The following DNAH11 variants were observed in gnomAD, a reference collection of about 807,000 sequenced individuals.
The protein encoded by DNAH11 is dynein axonemal heavy chain 11, also known as axonemal beta dynein heavy chain 11.
A neutral mutation model predicts 526.0 loss-of-function variants in DNAH11; 442 were observed. That is an observed-to-expected ratio of 0.84 (90% CI 0.78 to 0.91). The LOEUF (loss-of-function observed/expected upper bound fraction) is 0.91. DNAH11 is among the 40% of genes least tolerant of loss of function. The pLI is 0.00. For synonymous variants in DNAH11, 2,461 were observed against 1,935.9 expected (o/e 1.27, Z -7.12); for missense variants, 6,989 against 5,448.7 (o/e 1.28, Z -8.90).
At chr7:21,715,113 T>G in intron 42 of DNAH11, among the ~76,000 whole-genome samples, 1 of 152,254 alleles carries the variant, frequency 6.6e-6, no homozygotes, top group South Asian at 2.1e-4. Flanking sequence ...CATGTACTGC[T>G]AACGTCTGCC....
At chr7:21,789,688 C>A (rs928234802) in intron 61 of DNAH11, among the ~76,000 whole-genome samples, 3 of 152,128 alleles carry the variant, frequency 2.0e-5, no homozygotes, top group Non-Finnish European at 4.4e-5. Flanking sequence ...GCATCCCGTA[C>A]AAGGTAGTTA....
chr7:21,612,749 C>A (rs1323306759), intron 20 of DNAH11, among the ~76,000 whole-genome samples: 2 of 152,050 alleles, frequency 1.3e-5, no homozygotes, highest in African/African-American at 4.8e-5. Context: ...AAATATAGAT[C>A]AGTCTTTCTC....
At chr7:21,652,850 A>G (rs1299250236) in intron 28 of DNAH11, among the ~76,000 whole-genome samples, 2 of 151,634 alleles carry the variant, frequency 1.3e-5, no homozygotes, top group East Asian at 3.9e-4. Context: ...GGGGCCTACG[A>G]AGTATTAGTT....
In DNAH11 at chr7:21,901,298, G is replaced by C. The variant is rs1380504137; in HGVS notation, c.*44G>C. On this transcript the variant is annotated 3_prime_UTR_variant, in exon 82 of 82. Transcript: ENST00000409508. ...CTAGCCTCTGCTGGAGTGCAGTGAG[G>C]ATTTTCTAGCATGTTGCTGCACTGT... is the stretch of plus-strand genomic sequence containing the variant. The C allele has an allele frequency of 6.4e-7, 1 of 1,552,946 alleles. No homozygotes were observed. Among genetic ancestry groups the C allele is most frequent in the Admixed American group, 1.9e-5 (1 of 51,564 alleles).
Position 21,543,324 on chromosome 7 carries a change from C to T in DNAH11, c.79C>T (p.Leu27=). 6.4e-7 allele frequency: 1 copy of T among 1,550,684 alleles called. No homozygotes were observed. Among genetic ancestry groups the T allele is most frequent in the South Asian group, 1.2e-5 (1 of 84,020 alleles). Residue 27 remains leucine, a synonymous_variant, in exon 1 of 82, where the codon CTG becomes TTG. Coordinates refer to ENST00000409508, the MANE Select transcript of DNAH11 (RefSeq NM_001277115.2). ...CCTTCGCCTAACCTCGGGGGCCGGC[C>T]TGGAGGCAGTGGGCGCTGTGGAGCT... ...PTLRLTSGAG[L]EAVGAVELEE...
intron 37 of DNAH11, among the ~76,000 whole-genome samples, chr7:21,703,189 G>A (rs1375827284): frequency 2.6e-5 from 4 of 152,114 alleles, no homozygotes; most frequent in Non-Finnish European, 5.9e-5. Flanking sequence ...CCATTTCATG[G>A]GACCTAAGAT....
intron 20 of DNAH11, among the ~76,000 whole-genome samples, chr7:21,614,495 T>C (rs17689872): frequency 0.043 from 6,496 of 152,254 alleles, 160 homozygotes; most frequent in South Asian, 0.062. Flanking sequence ...AATTAAGACT[T>C]GGTCATCACA....
chr7:21,585,992 T>C (rs1434206346), intron 9 of DNAH11, among the ~76,000 whole-genome samples: 2 of 152,160 alleles, frequency 1.3e-5, no homozygotes, highest in Non-Finnish European at 1.5e-5. Context: ...AAGCAAGAGG[T>C]TGAAATGACC....
rs549578106 is a variant in DNAH11 at position 21,573,784 on chromosome 7, C to T, written c.1593+1811C>T. Among the ~76,000 whole-genome samples the T allele has an allele frequency of 2.6e-5, 4 of 152,298 alleles. No homozygotes were observed. In the South Asian group the frequency reaches 8.3e-4, roughly 32 times the overall value. ...CCCCATGTTCCTGCTCCTGCCCCAT[C>T]CCCTCTGACTACAAACTAGTGCTTA... On this transcript the variant is annotated intron_variant, in intron 8 of 81. Transcript: ENST00000409508.
intron 20 of DNAH11, among the ~76,000 whole-genome samples, chr7:21,612,541 T>TGAG (rs984937763): frequency 9.0e-6 from 1 of 110,836 alleles, no homozygotes; most frequent in African/African-American, 4.0e-5. Flanking sequence ...GGCGACAGAG[T>TGAG]GAGGCTCCGT....
intron 57 of DNAH11, 135 bp downstream of exon 57, chr7:21,779,239 A>G: frequency 9.3e-7 from 1 of 1,076,856 alleles, no homozygotes; most frequent in Non-Finnish European, 1.3e-6. Flanking sequence ...CACATGTAAC[A>G]GCATTTCACA....
At position 21,745,490 on chromosome 7, in the gene DNAH11, T is replaced by G. The variant is rs139999098; in HGVS notation, c.8510+427T>G. On this transcript the variant is annotated intron_variant, in intron 51 of 81. Coordinates refer to ENST00000409508, the MANE Select transcript of DNAH11 (RefSeq NM_001277115.2). ...CTTGGCAGAAAATTAGAAAAAGGCA[T>G]CTGTCCTTGGATAGAGCATGGCTGA... Among the ~76,000 whole-genome samples, 1,069 of 152,306 alleles carry G rather than the reference T, an allele frequency of 7.0e-3. 12 individuals are homozygous for G. Among genetic ancestry groups the G allele is most frequent in the African/African-American group, 0.024 (1,013 of 41,556 alleles).
chr7:21,681,265 A>C (rs1366036928), intron 30 of DNAH11, among the ~76,000 whole-genome samples: 2 of 152,072 alleles, frequency 1.3e-5, no homozygotes, highest in African/African-American at 2.4e-5. Flanking sequence ...TGTCCCTACG[A>C]AAAATATAAG....
chr7:21,818,247 C>G lies in DNAH11; in HGVS notation c.10599C>G (p.Ala3533=), dbSNP rs1789894042. The change falls in exon 65 of 82, where the codon GCC becomes GCG. Residue 3533 remains alanine, a synonymous_variant. Coordinates refer to ENST00000409508, the MANE Select transcript of DNAH11 (RefSeq NM_001277115.2). ...TGAATGCCATTGAAACTGCTTTGGCCTTTGGTGATGTCATCTTAATTGAAA... is the reference window on the plus strand; with the variant it reads ...TGAATGCCATTGAAACTGCTTTGGCGTTTGGTGATGTCATCTTAATTGAAA... ...GFLNAIETAL[A]FGDVILIENL... 1.9e-6 allele frequency: 3 copies of G among 1,611,828 alleles called. No individual in the cohort carries two copies. Among genetic ancestry groups the G allele is most frequent in the Admixed American group, 3.3e-5 (2 of 59,738 alleles).
intron 45 of DNAH11, among the ~76,000 whole-genome samples, chr7:21,727,615 A>G (rs561077862): frequency 9.9e-5 from 15 of 152,010 alleles, no homozygotes; most frequent in Admixed American, 4.6e-4. Context: ...TTTCCTTTTC[A>G]TATTATTTCT....
At chr7:21,684,049 A>G (rs1306231763) in intron 32 of DNAH11, 105 bp downstream of exon 32, 4 of 1,204,972 alleles carry the variant, frequency 3.3e-6, no homozygotes, top group East Asian at 2.5e-5. Flanking sequence ...ACAATGAACT[A>G]TGTGAAAGTG....
In DNAH11 at chr7:21,901,158, G is replaced by A. The variant is rs1489602749; in HGVS notation, c.13455G>A (p.Leu4485=). ...AGTGCCCTGTGTATAGAACCAAACTGAGAGGCCCCAGCTACATCTGGACCT... is the reference window on the plus strand; with the variant it reads ...AGTGCCCTGTGTATAGAACCAAACTAAGAGGCCCCAGCTACATCTGGACCT... ...TYECPVYRTK[L]RGPSYIWTFR... The change falls in exon 82 of 82, where the codon CTG becomes CTA. Residue 4485 remains leucine (L), a synonymous_variant. Transcript: ENST00000409508. 18 of 1,612,444 alleles carry A rather than the reference G, an allele frequency of 1.1e-5. No homozygotes were observed. The highest frequency in any genetic ancestry group is 1.5e-5 in the Non-Finnish European group (18 of 1,178,750).
chr7:21,838,623 T>A (rs555314152), intron 65 of DNAH11, among the ~76,000 whole-genome samples: 2 of 152,370 alleles, frequency 1.3e-5, no homozygotes, highest in South Asian at 2.1e-4. Context: ...GTAGCATGTA[T>A]CAATACTTCA....
In DNAH11 at chr7:21,717,826, T is replaced by A; in HGVS notation, c.7035T>A (p.Asn2345Lys). 1 of 1,613,916 alleles carries A rather than the reference T, an allele frequency of 6.2e-7. No homozygotes were observed. Among genetic ancestry groups the A allele is most frequent in the East Asian group, 2.2e-5 (1 of 44,884 alleles). ...GGCGGCATCAATCAGAAAAGGCCAA[T>A]TTGACTATTCTTTTTGATAAATATG... ...DRRRHQSEKANLTILFDKYVP... is the reference protein window; with the variant it reads ...DRRRHQSEKAKLTILFDKYVP... The change falls in exon 43 of 82, where the codon AAT becomes AAA. Residue 2345 changes from asparagine (N) to lysine (K), a missense_variant. Asn to Lys is a moderately conservative substitution (Grantham distance 94). Coordinates refer to ENST00000409508, the MANE Select transcript of DNAH11 (RefSeq NM_001277115.2).
Sources: allele counts gnomAD v4.1 joint callset (sites outside exome capture counted in the v4.1 genomes callset), GRCh38; gene constraint gnomAD v4.1.1; transcripts MANE v1.5; gene names NCBI Gene and HGNC (gene_info 2026-07-23, HGNC 2026-07-21).